Variants in CCDC183 observed in about 807,000 individuals in gnomAD.
CCDC183 encodes the protein coiled-coil domain-containing protein 183.
A neutral mutation model predicts 65.2 loss-of-function variants in CCDC183; 63 were observed. The observed-to-expected ratio is 0.97, with a 90% CI of 0.79 to 1.19. CCDC183 has a LOEUF of 1.19. Among genes scored for constraint, CCDC183 ranks in the 50% most tolerant of loss-of-function variants. CCDC183 has a pLI of 0.00. For missense variants in CCDC183, 769 were observed against 689.3 expected (o/e 1.12, Z -1.30); for synonymous variants, 323 against 276.5 (o/e 1.17, Z -1.67).
intron 11 of CCDC183, 31 bp from the exon 12 acceptor site, chr9:136,806,726 G>A (rs905018998): frequency 1.9e-6 from 3 of 1,613,426 alleles, no homozygotes; most frequent in Non-Finnish European, 8.5e-7. Flanking sequence ...CAGGGCCAGA[G>A]GGGAGATGAG....
In CCDC183 at chr9:136,806,828, C is replaced by T. The variant is rs1268273559; in HGVS notation, c.1350C>T (p.Tyr450=). The T allele has an allele frequency of 6.2e-7, 1 of 1,613,656 alleles. No homozygotes were observed. Among genetic ancestry groups the T allele is most frequent in the East Asian group, 2.2e-5 (1 of 44,876 alleles). ...CGTACTGCGAGGGGAAGCTCACGTA[C>T]CTGGCTGACAGAGTGCAGATGGTGT... The part of the protein sequence containing the change: ...KLAYCEGKLT[Y]LADRVQMVSR... The change falls in exon 12 of 14, where the codon TAC becomes TAT. Residue 450 remains tyrosine, a synonymous_variant. Coordinates refer to ENST00000338005, the MANE Select transcript of CCDC183 (RefSeq NM_001039374.5).
At position 136,807,607 on chromosome 9, in the gene CCDC183, G is replaced by C; in HGVS notation, c.1522G>C (p.Val508Leu). The change falls in exon 14 of 14, where the codon GTC becomes CTC. Residue 508 changes from valine (V) to leucine (L), a missense_variant. By Grantham distance (32) the Val-to-Leu change is conservative (BLOSUM62 1). Coordinates refer to ENST00000338005, the MANE Select transcript of CCDC183 (RefSeq NM_001039374.5). Reference sequence around the variant, plus strand: ...GTTCCCCGACATGGACCACAGCTACGTCCCTTCGCGCGCCGAGATCAAGAG... The same window carrying C: ...GTTCCCCGACATGGACCACAGCTACCTCCCTTCGCGCGCCGAGATCAAGAG... ...FQFPDMDHSY[V>L]PSRAEIKRQA... 1 of 1,606,260 alleles carries C rather than the reference G, an allele frequency of 6.2e-7. No individual in the cohort carries two copies. Among genetic ancestry groups the C allele is most frequent in the East Asian group, 2.3e-5 (1 of 44,302 alleles).
intron 9 of CCDC183, 70 bp from the exon 10 acceptor site, chr9:136,806,008 C>A: frequency 7.6e-7 from 1 of 1,311,574 alleles, no homozygotes; most frequent in South Asian, 1.4e-5. Context: ...CAGAAGAAAC[C>A]AGTTCTGTGA....
rs1264118994 is a variant in CCDC183, at chr9:136,806,527, T to C, written c.1133T>C (p.Met378Thr). ...SISFKSVEKK[M>T]TDMLKEEEER... ...AGCTTCAAGTCCGTTGAGAAGAAAATGACAGACATGCTAAAAGAGGAAGAA... is the reference window on the plus strand; with the variant it reads ...AGCTTCAAGTCCGTTGAGAAGAAAACGACAGACATGCTAAAAGAGGAAGAA... Residue 378 changes from methionine to threonine, a missense_variant, in exon 11 of 14, where the codon ATG becomes ACG. Met to Thr is a moderately conservative substitution (Grantham distance 81). Coordinates refer to ENST00000338005, the MANE Select transcript of CCDC183 (RefSeq NM_001039374.5). 2 of 1,613,392 alleles carry C rather than the reference T, an allele frequency of 1.2e-6. No homozygotes were observed. Among genetic ancestry groups the C allele is most frequent in the Middle Eastern group, 3.3e-4 (2 of 6,062 alleles).
rs1588335138 is a variant in CCDC183 at position 136,804,696 on chromosome 9, C to G, written c.793-66C>G. On this transcript the variant is annotated intron_variant, in intron 7 of 13. Coordinates refer to ENST00000338005, the MANE Select transcript of CCDC183 (RefSeq NM_001039374.5). This position sits in a 1 kb window ranked among gnomAD's most constrained non-coding sequence, Gnocchi z 4.1. ...CAGCTGGGTGGACACAGGCTCAGGG[C>G]CACCACTCAGGGCCCACTCCCTGCC... The G allele has an allele frequency of 6.2e-7, 1 of 1,612,738 alleles. No individual in the cohort carries two copies. The highest frequency in any genetic ancestry group is 8.5e-7 in the Non-Finnish European group (1 of 1,179,356).
intron 1 of CCDC183, among the ~76,000 whole-genome samples, chr9:136,796,721 G>A (rs760708780): frequency 3.9e-5 from 6 of 152,194 alleles, no homozygotes; most frequent in Non-Finnish European, 8.8e-5. Context: ...ATTTAGGGCC[G>A]TGCAGGATGT....
In CCDC183 at chr9:136,806,829, C is replaced by G; in HGVS notation, c.1351C>G (p.Leu451Val). The G allele has an allele frequency of 1.9e-6, 3 of 1,613,610 alleles. No homozygotes were observed. The highest frequency in any genetic ancestry group is 4.5e-5 in the East Asian group (2 of 44,868). The change falls in exon 12 of 14, where the codon CTG (leucine) becomes GTG (valine). Residue 451 changes from leucine (L) to valine (V), a missense_variant. Physicochemically the swap from Leu to Val is conservative, Grantham distance 32. Transcript: ENST00000338005. ...LAYCEGKLTYLADRVQMVSRT... is the reference protein window; with the variant it reads ...LAYCEGKLTYVADRVQMVSRT... The stretch of plus-strand genomic sequence containing the variant: ...GTACTGCGAGGGGAAGCTCACGTAC[C>G]TGGCTGACAGAGTGCAGATGGTGTC...
chr9:136,807,183 C>A, intron 13 of CCDC183, 117 bp downstream of exon 13: 2 of 904,192 alleles, frequency 2.2e-6, no homozygotes, highest in Non-Finnish European at 3.5e-6. Context: ...CTACAGGGTG[C>A]ATCAGTTGTA....
intron 9 of CCDC183, 65 bp from the exon 10 acceptor site, chr9:136,806,013 C>T (rs920540355): frequency 2.4e-5 from 33 of 1,366,214 alleles, no homozygotes; most frequent in African/African-American, 4.4e-5. Flanking sequence ...GAAACCAGTT[C>T]TGTGAAGCCC....
At chr9:136,800,770 T>C (rs1034770801) in intron 5 of CCDC183, 2 of 395,164 alleles carry the variant, frequency 5.1e-6, no homozygotes, top group African/African-American at 2.1e-5. Flanking sequence ...CATTTTCTCA[T>C]TGCCTGGGCC....
intron 1 of CCDC183, 71 bp from the exon 2 acceptor site, chr9:136,799,031 C>T (rs1847695917): frequency 6.3e-7 from 1 of 1,595,686 alleles, no homozygotes; most frequent in Non-Finnish European, 8.5e-7. Flanking sequence ...TGATGCAAGC[C>T]TCCCCCAGGG....
At chr9:136,807,528 T>G (rs748042151) in intron 13 of CCDC183, 44 bp from the exon 14 acceptor site, 1 of 1,512,872 alleles carries the variant, frequency 6.6e-7, no homozygotes, top group Admixed American at 2.1e-5. Flanking sequence ...CGGCTGCGCC[T>G]AGCTGGGCTA....
chr9:136,806,568 G>T lies in CCDC183; in HGVS notation c.1174G>T (p.Ala392Ser), dbSNP rs1309918375. Residue 392 changes from alanine (A) to serine (S), a missense_variant, in exon 11 of 14, where the codon GCG (alanine) becomes TCG (serine). By Grantham distance (99) the Ala-to-Ser change is moderately conservative. Transcript: ENST00000338005. The part of the protein sequence containing the change: ...LKEEEERLQL[A>S]HSNMTKGQEL... Reference sequence around the variant, plus strand: ...AGAGGAAGAAGAGAGGCTCCAGCTGGCGCACAGCAACATGACCAAGGGCCA... The same window carrying T: ...AGAGGAAGAAGAGAGGCTCCAGCTGTCGCACAGCAACATGACCAAGGGCCA... 1 of 1,613,668 alleles carries T rather than the reference G, an allele frequency of 6.2e-7. No homozygotes were observed. Among genetic ancestry groups the T allele is most frequent in the Admixed American group, 1.7e-5 (1 of 60,016 alleles).
At chr9:136,798,087 C>G (rs1249993730) in intron 1 of CCDC183, among the ~76,000 whole-genome samples, 1 of 152,218 alleles carries the variant, frequency 6.6e-6, no homozygotes, top group African/African-American at 2.4e-5. Context: ...CACACTGCAA[C>G]CTCCACCTCC....
At chr9:136,807,184 A>C (rs1461018351) in intron 13 of CCDC183, 118 bp downstream of exon 13, 4 of 896,588 alleles carry the variant, frequency 4.5e-6, no homozygotes, top group African/African-American at 1.7e-5. Flanking sequence ...TACAGGGTGC[A>C]TCAGTTGTAC....
intron 11 of CCDC183, 22 bp downstream of exon 11, chr9:136,806,694 TG>T: frequency 6.2e-7 from 1 of 1,613,320 alleles, no homozygotes; most frequent in Non-Finnish European, 8.5e-7. Flanking sequence ...GAGGCTGAGC[TG>T]CCACACACCA....
At chr9:136,805,544 T>C (rs968469287) in intron 9 of CCDC183, 87 bp downstream of exon 9, 3 of 1,257,430 alleles carry the variant, frequency 2.4e-6, no homozygotes, top group Non-Finnish European at 3.4e-6. Flanking sequence ...TCCCGGAGCA[T>C]GGCAGGAGGG....
At chr9:136,799,884 G>T in intron 3 of CCDC183, 94 bp downstream of exon 3, 1 of 1,501,822 alleles carries the variant, frequency 6.7e-7, no homozygotes, top group Non-Finnish European at 9.1e-7. Flanking sequence ...GGACGGAGCA[G>T]GTGCCCAGCC....
chr9:136,804,689 C>T lies in CCDC183; in HGVS notation c.792+62C>T, dbSNP rs1424381546. 1 of 1,612,904 alleles carries T rather than the reference C, an allele frequency of 6.2e-7. No individual in the cohort carries two copies. The highest frequency in any genetic ancestry group is 1.7e-5 in the Admixed American group (1 of 59,950). On this transcript the variant is annotated intron_variant, in intron 7 of 13. Coordinates refer to ENST00000338005, the MANE Select transcript of CCDC183 (RefSeq NM_001039374.5). This position sits in a 1 kb window ranked among gnomAD's most constrained non-coding sequence, Gnocchi z 4.1. ...CCCATGACAGCTGGGTGGACACAGG[C>T]TCAGGGCCACCACTCAGGGCCCACT...
Sources: gnomAD v4.1 joint callset for allele counts (sites outside exome capture counted in the v4.1 genomes callset) on GRCh38, gnomAD v4.1.1 for gene constraint, Gnocchi (gnomAD v3.1) non-coding constraint, MANE v1.5 for transcripts, NCBI Gene and HGNC (gene_info 2026-07-23, HGNC 2026-07-21) for gene names.